Variants in MAK observed in about 807,000 individuals in gnomAD.
MAK encodes the protein male germ cell associated kinase.
A neutral mutation model predicts 82.6 loss-of-function variants in MAK; 65 were observed. The ratio of observed to expected loss-of-function variants is 0.79; its 90% confidence interval spans 0.64 to 0.97. MAK has a LOEUF of 0.97. Ranked by LOEUF, MAK falls within the 50% of genes least tolerant of loss-of-function variation. The pLI is 0.00. For missense variants in MAK, 703 were observed against 780.2 expected (o/e 0.90, Z 1.18); for synonymous variants, 250 against 274.2 (o/e 0.91, Z 0.87).
intron 9 of MAK, 63 bp downstream of exon 9, chr6:10,795,935 G>GA (rs1236412480): frequency 6.5e-7 from 1 of 1,550,182 alleles, no homozygotes; most frequent in Non-Finnish European, 8.9e-7. Flanking sequence ...GAAATGCCTC[G>GA]AAAAAAATCT....
intron 14 of MAK, among the ~76,000 whole-genome samples, chr6:10,769,665 G>A (rs562225928): frequency 6.6e-6 from 1 of 152,312 alleles, no homozygotes; most frequent in East Asian, 1.9e-4. Context: ...TGGGCAGAGG[G>A]CTCTGGAAAA....
Position 10,793,584 on chromosome 6 carries a change from G to A in MAK, c.1144-1737C>T, listed in dbSNP as rs1222258988. Among the ~76,000 whole-genome samples the A allele has an allele frequency of 6.6e-6, 1 of 152,092 alleles. No homozygotes were observed. The highest frequency in any genetic ancestry group is 1.9e-4 in the East Asian group (1 of 5,196). ...GTACAGAATATGCAATTTAGGAGAA[G>A]CATTTGTGAAAAAACAGGTATACTT... On this transcript the variant is annotated intron_variant, in intron 9 of 14. Transcript: ENST00000354489. The surrounding 1 kb of genome is among the most constrained non-coding windows in gnomAD (Gnocchi z 4.6).
intron 9 of MAK, among the ~76,000 whole-genome samples, chr6:10,795,326 C>T (rs1775444769): frequency 6.6e-6 from 1 of 150,970 alleles, no homozygotes; most frequent in South Asian, 2.1e-4. Context: ...CCTATAATCC[C>T]AGCCACTCAG....
intron 4 of MAK, among the ~76,000 whole-genome samples, chr6:10,815,556 G>A (rs567931045): frequency 4.6e-5 from 7 of 152,170 alleles, no homozygotes; most frequent in African/African-American, 1.7e-4. Flanking sequence ...CCAAGAGGTC[G>A]AGGCTACAGT....
At chr6:10,775,198 T>G in intron 12 of MAK, 130 bp downstream of exon 12, 1 of 1,024,574 alleles carries the variant, frequency 9.8e-7, no homozygotes, top group Non-Finnish European at 1.5e-6. Flanking sequence ...ATAGGCAGAG[T>G]GTAGTGGAAA....
intron 13 of MAK, among the ~76,000 whole-genome samples, 184 bp downstream of exon 13, chr6:10,772,850 T>C (rs1305987402): frequency 6.6e-6 from 1 of 152,228 alleles, no homozygotes; most frequent in East Asian, 1.9e-4. Context: ...CATCTTAAAA[T>C]CTCAGTTACT....
intron 2 of MAK, among the ~76,000 whole-genome samples, chr6:10,822,145 T>C (rs1778000046): frequency 1.6e-5 from 1 of 64,000 alleles, no homozygotes; most frequent in Admixed American, 2.2e-4. Flanking sequence ...AGACTCCGTC[T>C]CAAAAAAAAA....
intron 2 of MAK, chr6:10,827,627 G>A (rs1184487077): frequency 1.3e-5 from 2 of 152,150 alleles, no homozygotes; most frequent in South Asian, 2.1e-4. Context: ...AATTATGTAG[G>A]TTAGGGAAGT....
rs111474611 is a variant in MAK, at chr6:10,782,477, G to A, written c.1465+1947C>T. Among the ~76,000 whole-genome samples, 239 of 151,628 alleles carry A rather than the reference G, an allele frequency of 1.6e-3. 1 individual carries two copies. Among genetic ancestry groups the A allele is most frequent in the Non-Finnish European group, 1.9e-3 (126 of 67,970 alleles). ...CTGTGGCTAAACCTATACACCCACCGTGCCTTCTGTTTTCTCTCCCATTCA... is the reference window on the plus strand; with the variant it reads ...CTGTGGCTAAACCTATACACCCACCATGCCTTCTGTTTTCTCTCCCATTCA... On this transcript the variant is annotated intron_variant, in intron 11 of 14. Coordinates refer to ENST00000354489, the MANE Select transcript of MAK (RefSeq NM_001242957.3).
chr6:10,790,149 T>G (rs950633432), intron 10 of MAK, among the ~76,000 whole-genome samples: 2 of 152,192 alleles, frequency 1.3e-5, no homozygotes, highest in Admixed American at 1.3e-4. Context: ...CTTTCTTGCC[T>G]AGAGTGGAAG....
intron 4 of MAK, among the ~76,000 whole-genome samples, chr6:10,814,970 G>A (rs1177738327): frequency 2.0e-5 from 3 of 151,920 alleles, no homozygotes; most frequent in Admixed American, 6.6e-5. Flanking sequence ...CCGGAGGGTG[G>A]AGGTTGCAGT....
In MAK at chr6:10,801,904, C is replaced by A. The variant is rs1776041815; in HGVS notation, c.819G>T (p.Pro273=). Residue 273 remains proline, a synonymous_variant, in exon 8 of 15, where the codon CCG becomes CCT. Transcript: ENST00000354489. The part of the protein sequence containing the change: ...EMLNWDPKKR[P]TASQALKHPY... ...AGACTCCTCTTACCTGGCTTGCTGT[C>A]GGTCGTTTCTTTGGATCCCAATTCA... is the stretch of plus-strand genomic sequence containing the variant. The A allele has an allele frequency of 6.2e-7, 1 of 1,613,930 alleles. No homozygotes were observed.
rs1235907783 is a variant in MAK, at chr6:10,762,906, C to T, written c.*1546G>A. The T allele has an allele frequency of 6.6e-6, 1 of 152,512 alleles. No homozygotes were observed. The highest frequency in any genetic ancestry group is 2.4e-5 in the African/African-American group (1 of 41,398). 9.4% of individuals were successfully genotyped at this position (152,512 alleles called of 1,614,324 possible). A position where few individuals can be genotyped will look rare whatever the true frequency, so the allele number is the denominator to read the frequency against. On this transcript the variant is annotated 3_prime_UTR_variant, in exon 15 of 15. Transcript: ENST00000354489. The stretch of plus-strand genomic sequence containing the variant: ...CATCTGAACAGTTGACTCTTCTATA[C>T]AAAAATATCATTATTATTTTATAAT...
intron 6 of MAK, among the ~76,000 whole-genome samples, chr6:10,805,092 C>T (rs945282929): frequency 6.7e-6 from 1 of 149,270 alleles, no homozygotes. Context: ...GGGGAGGGGG[C>T]GTGCTGCCAT....
At chr6:10,797,518 A>C in intron 8 of MAK, 1 of 853,692 alleles carries the variant, frequency 1.2e-6, no homozygotes, top group Non-Finnish European at 1.4e-6. Context: ...TATCTGGTTC[A>C]CAACGTCAGT....
intron 9 of MAK, among the ~76,000 whole-genome samples, chr6:10,794,314 T>C (rs1775329321): frequency 1.3e-5 from 2 of 152,188 alleles, no homozygotes; most frequent in African/African-American, 4.8e-5. Flanking sequence ...CTACTGAGAA[T>C]CTACCATGTG....
chr6:10,805,846 G>A (rs1776400760), intron 6 of MAK, among the ~76,000 whole-genome samples: 1 of 152,172 alleles, frequency 6.6e-6, no homozygotes, highest in Non-Finnish European at 1.5e-5. Flanking sequence ...GCCTTCACGT[G>A]TCTTCCCTCT....
chr6:10,822,414 AT>A (rs1202003934), intron 2 of MAK, among the ~76,000 whole-genome samples: 1 of 151,760 alleles, frequency 6.6e-6, no homozygotes, highest in African/African-American at 2.4e-5. Context: ...AGATCGCGCC[AT>A]TGCACTCCAG....
intron 2 of MAK, among the ~76,000 whole-genome samples, chr6:10,830,191 A>G (rs1217676068): frequency 6.7e-6 from 1 of 148,972 alleles, no homozygotes; most frequent in Non-Finnish European, 1.5e-5. Flanking sequence ...TTTTAGACGG[A>G]GTCTCACTGT....
Sources: allele counts gnomAD v4.1 joint callset (sites outside exome capture counted in the v4.1 genomes callset), GRCh38; gene constraint gnomAD v4.1.1; non-coding constraint Gnocchi (gnomAD v3.1); transcripts MANE v1.5; gene names NCBI Gene and HGNC (gene_info 2026-07-23, HGNC 2026-07-21).